Variants in PHF11 observed in about 807,000 individuals in gnomAD.
PHF11 encodes BRCA1 C-terminus-associated protein.
Under a neutral mutation model 40.5 loss-of-function variants are expected in PHF11, and 38 were observed. The ratio of observed to expected loss-of-function variants is 0.94; its 90% CI spans 0.72 to 1.23. The LOEUF (loss-of-function observed/expected upper bound fraction) is 1.23, where lower values mean the gene tolerates loss of function less well. Among genes scored for constraint, PHF11 ranks in the 50% most tolerant of loss-of-function variants. The pLI is 0.00. For synonymous variants in PHF11, 127 were observed against 138.2 expected, an observed-to-expected ratio of 0.92 and a Z score of 0.57; for missense variants, 369 against 392.4, an observed-to-expected ratio of 0.94 and a Z score of 0.50.
intron 1 of PHF11, among the ~76,000 whole-genome samples, chr13:49,498,311 A>C (rs988447931): frequency 2.0e-5 from 3 of 152,354 alleles, no homozygotes; most frequent in Middle Eastern, 3.4e-3. Flanking sequence ...TGTCCATTTC[A>C]GGTAGATCAT....
At chr13:49,512,800 T>C (rs1424353838) in intron 2 of PHF11, among the ~76,000 whole-genome samples, 1 of 152,202 alleles carries the variant, frequency 6.6e-6, no homozygotes, top group African/African-American at 2.4e-5. Context: ...CTGACCCAGC[T>C]TGGCATCAGG....
chr13:49,515,668 C>T (rs1959143022), intron 3 of PHF11, among the ~76,000 whole-genome samples: 1 of 152,112 alleles, frequency 6.6e-6, no homozygotes. Context: ...CTTCTCTCAG[C>T]GTCAGTAATC....
chr13:49,498,329 G>A (rs1958847793), intron 1 of PHF11, among the ~76,000 whole-genome samples: 1 of 152,212 alleles, frequency 6.6e-6, no homozygotes, highest in African/African-American at 2.4e-5. Flanking sequence ...CATTCTGACA[G>A]TAACATAGTA....
At chr13:49,505,018 A>G (rs976050586) in intron 1 of PHF11, among the ~76,000 whole-genome samples, 4 of 151,662 alleles carry the variant, frequency 2.6e-5, no homozygotes, top group East Asian at 1.9e-4. Context: ...TGAAGGCAGC[A>G]TGCTCGTTAA....
Position 49,523,211 on chromosome 13 carries a change from C to T in PHF11, c.607C>T (p.Gln203Ter). Residue 203 changes from glutamine to a stop codon, truncating the protein, a stop_gained, in exon 7 of 10, where the codon CAA becomes TAA. Coordinates refer to ENST00000378319, the MANE Select transcript of PHF11 (RefSeq NM_001040443.3). LOFTEE classifies it high-confidence loss of function. ...AATGAAATGTAATACATTCATAAGA[C>T]AAGTGAAAGAAGAGCATGGCAGACA... Reference protein sequence around the residue: ...ETMKCNTFIRQVKEEHGRHTD... With the variant: ...ETMKCNTFIR 1.9e-6 allele frequency: 3 copies of T among 1,612,266 alleles called. No homozygotes were observed. The highest frequency in any genetic ancestry group is 2.5e-6 in the Non-Finnish European group (3 of 1,178,324).
intron 2 of PHF11, 72 bp downstream of exon 2, chr13:49,506,828 A>G: frequency 9.7e-7 from 1 of 1,034,236 alleles, no homozygotes; most frequent in Non-Finnish European, 1.4e-6. Context: ...ATAGATAAAC[A>G]ACACTTTGGA....
At chr13:49,509,984 A>G (rs1292584162) in intron 2 of PHF11, among the ~76,000 whole-genome samples, 1 of 151,836 alleles carries the variant, frequency 6.6e-6, no homozygotes, top group Non-Finnish European at 1.5e-5. Context: ...TCCTCAAACC[A>G]CTGAGGTTTC....
chr13:49,496,044 GC>G lies in PHF11; in HGVS notation c.45del (p.Ser16AlafsTer50). The G allele has an allele frequency of 6.8e-7, 1 of 1,472,312 alleles. No individual in the cohort carries two copies. Among genetic ancestry groups the G allele is most frequent in the South Asian group, 1.3e-5 (1 of 77,984 alleles). 91.2% of individuals were successfully genotyped at this position (1,472,312 alleles called of 1,614,324 possible). A position where few individuals can be genotyped will look rare whatever the true frequency, so the allele number is the denominator to read the frequency against. ...SPPRPERVLGASSPEARPAQE... is the reference protein window; with the variant it reads ...SPPRPERVLGXSSPEARPAQE... ...GCCCCGGCCCGAGAGGGTGCTCGGC[GC>G]CAGCAGCCCGGAGGCCCGGCCCGCG... is the stretch of plus-strand genomic sequence containing the variant. On this transcript the variant is annotated frameshift_variant, in exon 1 of 10. Coordinates refer to ENST00000378319, the MANE Select transcript of PHF11 (RefSeq NM_001040443.3). LOFTEE classifies it high-confidence loss of function.
intron 1 of PHF11, among the ~76,000 whole-genome samples, chr13:49,504,624 C>T (rs1174884096): frequency 1.4e-5 from 2 of 147,614 alleles, no homozygotes; most frequent in Non-Finnish European, 3.0e-5. Flanking sequence ...CCAGCCGCCC[C>T]GTCCGGGAGG....
chr13:49,509,182 G>T (rs1208039731), intron 2 of PHF11, among the ~76,000 whole-genome samples: 3 of 151,214 alleles, frequency 2.0e-5, no homozygotes, highest in Admixed American at 6.6e-5. Context: ...TAAATTAAAT[G>T]ATATGCAATC....
intron 5 of PHF11, 44 bp from the exon 6 acceptor site, chr13:49,521,999 T>A: frequency 2.1e-6 from 2 of 969,220 alleles, no homozygotes; most frequent in South Asian, 2.7e-5. Flanking sequence ...AACAGTAATC[T>A]TTTCCTTTAT....
At chr13:49,511,590 A>T (rs1193706576) in intron 2 of PHF11, among the ~76,000 whole-genome samples, 1 of 152,110 alleles carries the variant, frequency 6.6e-6, no homozygotes, top group African/African-American at 2.4e-5. Context: ...GGTCTCCCAA[A>T]GTGTTGGGAT....
chr13:49,511,462 G>A (rs1476553697), intron 2 of PHF11, among the ~76,000 whole-genome samples: 1 of 151,902 alleles, frequency 6.6e-6, no homozygotes, highest in East Asian at 1.9e-4. Flanking sequence ...GAGTAGCTGG[G>A]ATTACAGGCA....
intron 8 of PHF11, among the ~76,000 whole-genome samples, chr13:49,525,495 G>A (rs1447784988): frequency 2.0e-5 from 3 of 152,192 alleles, no homozygotes; most frequent in East Asian, 1.9e-4. Context: ...TGATCTGCCC[G>A]CCTTGGCCTC....
At chr13:49,506,082 TTG>T (rs1958983199) in intron 1 of PHF11, among the ~76,000 whole-genome samples, 1 of 152,054 alleles carries the variant, frequency 6.6e-6, no homozygotes, top group South Asian at 2.1e-4. Flanking sequence ...AAATTCCTGG[TTG>T]TGTTTCTTGA....
At chr13:49,527,054 GAAAA>G (rs112437268) in intron 9 of PHF11, among the ~76,000 whole-genome samples, 2 of 92,680 alleles carry the variant, frequency 2.2e-5, no homozygotes, top group Admixed American at 1.2e-4. Flanking sequence ...AAGTTCATCA[GAAAA>G]AAAAAAAACA....
chr13:49,527,113 T>C (rs1286715203), intron 9 of PHF11: 2 of 151,482 alleles, frequency 1.3e-5, no homozygotes, highest in African/African-American at 2.4e-5. Context: ...AGCCAAGAAA[T>C]GTTTGCAGTA....
intron 8 of PHF11, 86 bp from the exon 9 acceptor site, chr13:49,526,301 T>C: frequency 2.4e-6 from 2 of 824,072 alleles, no homozygotes; most frequent in South Asian, 2.9e-5. Flanking sequence ...TCTCTTTCCT[T>C]TCCCCTGTTT....
Position 49,528,845 on chromosome 13 carries a change from T to C in PHF11, c.*180T>C, listed in dbSNP as rs1959427314. 3 of 530,390 alleles carry C rather than the reference T, an allele frequency of 5.7e-6. No homozygotes were observed. The South Asian group carries it at 9.2e-5, about 16-fold the overall frequency. The allele number at this position is 530,390 out of a possible 1,614,324, so 32.9% of individuals were successfully genotyped here. On this transcript the variant is annotated 3_prime_UTR_variant, in exon 10 of 10. Coordinates refer to ENST00000378319, the MANE Select transcript of PHF11 (RefSeq NM_001040443.3). ...CTTTGCACACTCTTGTGTTTTTTGC[T>C]CACTGTCACATTCCCAGCACCTAGT...
Sources: gnomAD v4.1 joint callset for allele counts (sites outside exome capture counted in the v4.1 genomes callset) on GRCh38, gnomAD v4.1.1 for gene constraint, MANE v1.5 for transcripts, NCBI Gene and HGNC (gene_info 2026-07-23, HGNC 2026-07-21) for gene names.